TMEM132D: variants seen among roughly 807,000 people sequenced by gnomAD.
The protein encoded by TMEM132D is mature OL transmembrane protein.
Under a neutral mutation model 62.3 loss-of-function variants are expected in TMEM132D, and 21 were observed. The observed-to-expected ratio is 0.34, with a 90% CI of 0.24 to 0.49. The LOEUF (loss-of-function observed/expected upper bound fraction) is 0.49, where lower values mean the gene tolerates loss of function less well. TMEM132D is among the 20% of genes least tolerant of loss of function. TMEM132D has a pLI of 0.99. For synonymous variants in TMEM132D, 621 were observed against 575.6 expected, an observed-to-expected ratio of 1.08 and a Z score of -1.13; for missense variants, 1,346 against 1,402.8, an observed-to-expected ratio of 0.96 and a Z score of 0.65.
chr12:129,760,130 C>A lies in TMEM132D; in HGVS notation c.80-59432G>T, dbSNP rs147512097. On this transcript the variant is annotated intron_variant, in intron 1 of 8. Transcript: ENST00000422113. Reference sequence around the variant, plus strand: ...CTATGCTTTCCAGGCTGGCCTCGAACTCCTGGGCTCAAGCAATCCTTCTGC... The same window carrying A: ...CTATGCTTTCCAGGCTGGCCTCGAAATCCTGGGCTCAAGCAATCCTTCTGC... Among the ~76,000 whole-genome samples, 712 of 151,940 alleles carry A rather than the reference C, an allele frequency of 4.7e-3. 8 individuals carry two copies. Among genetic ancestry groups the A allele is most frequent in the African/African-American group, 0.016 (663 of 41,398 alleles).
chr12:129,703,495 T>C (rs1469910038), intron 1 of TMEM132D, among the ~76,000 whole-genome samples: 1 of 150,082 alleles, frequency 6.7e-6, no homozygotes, highest in East Asian at 1.9e-4. Flanking sequence ...ACTACAAAAA[T>C]AATGCCAATT....
intron 3 of TMEM132D, among the ~76,000 whole-genome samples, chr12:129,402,142 C>T (rs540114642): frequency 2.0e-4 from 31 of 152,260 alleles, no homozygotes; most frequent in South Asian, 2.1e-4. Flanking sequence ...ATGCATACCT[C>T]GATAATCTGC....
intron 1 of TMEM132D, among the ~76,000 whole-genome samples, chr12:129,863,033 A>G (rs1873947135): frequency 6.6e-6 from 1 of 152,204 alleles, no homozygotes; most frequent in Non-Finnish European, 1.5e-5. Flanking sequence ...CCATTCATCA[A>G]TTCATTCAGA....
chr12:129,670,960 T>C (rs1187416898), intron 2 of TMEM132D, among the ~76,000 whole-genome samples: 1 of 152,134 alleles, frequency 6.6e-6, no homozygotes, highest in African/African-American at 2.4e-5. Flanking sequence ...AATATTTCTT[T>C]CCCATTTCCA....
intron 2 of TMEM132D, among the ~76,000 whole-genome samples, chr12:129,600,700 G>T (rs1178265961): frequency 6.6e-6 from 1 of 152,164 alleles, no homozygotes; most frequent in East Asian, 1.9e-4. Context: ...AGGTGACCAG[G>T]TGTATTGTCA....
chr12:129,273,780 G>T (rs1880925794), intron 4 of TMEM132D, among the ~76,000 whole-genome samples: 1 of 151,652 alleles, frequency 6.6e-6, no homozygotes, highest in Non-Finnish European at 1.5e-5. Context: ...GGGGAGGTAG[G>T]GAGGAAAAAA....
intron 5 of TMEM132D, among the ~76,000 whole-genome samples, chr12:129,088,513 C>T (rs1339460931): frequency 2.2e-5 from 1 of 44,806 alleles, no homozygotes. Context: ...GGATGTCCTC[C>T]ATGACCGGGT....
intron 5 of TMEM132D, among the ~76,000 whole-genome samples, chr12:129,128,871 G>C (rs1876292594): frequency 6.6e-6 from 1 of 152,058 alleles, no homozygotes; most frequent in African/African-American, 2.4e-5. Flanking sequence ...CTGCTTCCTA[G>C]TTCACTTAGG....
At chr12:129,676,828 C>G (rs1193176158) in intron 2 of TMEM132D, among the ~76,000 whole-genome samples, 2 of 152,136 alleles carry the variant, frequency 1.3e-5, no homozygotes, top group African/African-American at 4.8e-5. Context: ...TGTTTATCAT[C>G]TATCTACCTA....
At chr12:129,685,011 T>C (rs543004820) in intron 2 of TMEM132D, among the ~76,000 whole-genome samples, 1 of 152,324 alleles carries the variant, frequency 6.6e-6, no homozygotes, top group African/African-American at 2.4e-5. Flanking sequence ...CATTTAGTTT[T>C]ATGTATTCAT....
chr12:129,556,816 A>C (rs1303343342), intron 2 of TMEM132D, among the ~76,000 whole-genome samples: 1 of 152,304 alleles, frequency 6.6e-6, no homozygotes, highest in East Asian at 1.9e-4. Flanking sequence ...GGGGGTTCCC[A>C]TATTAGACGG....
At chr12:129,713,536 A>C (rs751854548) in intron 1 of TMEM132D, among the ~76,000 whole-genome samples, 1 of 152,168 alleles carries the variant, frequency 6.6e-6, no homozygotes, top group Non-Finnish European at 1.5e-5. Flanking sequence ...CCAGCCAGAC[A>C]CAGCAGACAA....
chr12:129,560,089 C>A (rs887887565), intron 2 of TMEM132D, among the ~76,000 whole-genome samples: 2 of 152,160 alleles, frequency 1.3e-5, no homozygotes, highest in African/African-American at 2.4e-5. Context: ...TATGGGCAAC[C>A]ACATAAAGTG....
chr12:129,850,996 T>C (rs1312617406), intron 1 of TMEM132D, among the ~76,000 whole-genome samples: 15 of 152,184 alleles, frequency 9.9e-5, no homozygotes, highest in Non-Finnish European at 2.2e-4. Flanking sequence ...TTGGTGTGTG[T>C]TGATCAGAAC....
rs559031483 is a variant in TMEM132D at position 129,544,969 on chromosome 12, C to T, written c.969-13764G>A. The stretch of plus-strand genomic sequence containing the variant: ...AGCTTCCTTTACAACAGCCGCATCC[C>T]TAAGTGACTTGTGGTTTGCGTTCAT... On this transcript the variant is annotated intron_variant, in intron 2 of 8. Coordinates refer to ENST00000422113, the MANE Select transcript of TMEM132D (RefSeq NM_133448.3). Among the ~76,000 whole-genome samples, 3 of 152,342 alleles carry T rather than the reference C, an allele frequency of 2.0e-5. 1 individual carries two copies. The highest frequency in any genetic ancestry group is 7.2e-5 in the African/African-American group (3 of 41,578).
intron 1 of TMEM132D, among the ~76,000 whole-genome samples, chr12:129,743,977 C>G (rs993527195): frequency 1.3e-5 from 2 of 152,196 alleles, no homozygotes; most frequent in South Asian, 2.1e-4. Context: ...TCAAGTCACT[C>G]AATTTGTGGC....
intron 2 of TMEM132D, among the ~76,000 whole-genome samples, chr12:129,635,581 C>T (rs10773689): frequency 6.6e-6 from 1 of 152,038 alleles, no homozygotes. Context: ...ACAGCTAACA[C>T]TGAAACCAGC....
At chr12:129,590,783 A>T (rs1272891599) in intron 2 of TMEM132D, among the ~76,000 whole-genome samples, 1 of 152,180 alleles carries the variant, frequency 6.6e-6, no homozygotes, top group Non-Finnish European at 1.5e-5. Context: ...TCATCCACAC[A>T]GTCCAGGACA....
chr12:129,552,196 T>C (rs1328162659), intron 2 of TMEM132D, among the ~76,000 whole-genome samples: 1 of 152,186 alleles, frequency 6.6e-6, no homozygotes, highest in Non-Finnish European at 1.5e-5. Context: ...TGTATGTAGA[T>C]CAGCAATTGA....
Sources: allele counts gnomAD v4.1 joint callset (sites outside exome capture counted in the v4.1 genomes callset), GRCh38; gene constraint gnomAD v4.1.1; transcripts MANE v1.5; gene names NCBI Gene and HGNC (gene_info 2026-07-23, HGNC 2026-07-21).